Variants in ARPP21 observed in about 807,000 individuals in gnomAD.
ARPP21 encodes the protein cAMP-regulated phosphoprotein 21.
In ARPP21, 69 loss-of-function variants were observed where a neutral mutation model predicts 113.2. The observed-to-expected ratio is 0.61, with a 90% CI of 0.50 to 0.74. ARPP21 has a LOEUF of 0.74. Ranked by LOEUF, ARPP21 falls within the 30% of genes least tolerant of loss-of-function variation. The pLI is 0.00. For missense variants in ARPP21, 1,070 were observed against 1,037.4 expected (o/e 1.03, Z -0.43); for synonymous variants, 368 against 375.5 (o/e 0.98, Z 0.23).
intron 1 of ARPP21, among the ~76,000 whole-genome samples, chr3:35,655,543 CAG>C (rs1704455600): frequency 6.6e-6 from 1 of 151,916 alleles, no homozygotes; most frequent in Non-Finnish European, 1.5e-5. Flanking sequence ...AATGAGGACT[CAG>C]GGGTTTCTGT....
At chr3:35,675,519 T>C (rs1471766001) in intron 1 of ARPP21, among the ~76,000 whole-genome samples, 1 of 151,898 alleles carries the variant, frequency 6.6e-6, no homozygotes, top group African/African-American at 2.4e-5. Flanking sequence ...TCCATCCAGC[T>C]CTCTCATTCA....
chr3:35,649,837 C>T (rs939608764), intron 1 of ARPP21, among the ~76,000 whole-genome samples: 1 of 152,006 alleles, frequency 6.6e-6, no homozygotes, highest in Non-Finnish European at 1.5e-5. Flanking sequence ...TCCAACTGGA[C>T]CATTGAGAAC....
Position 35,717,244 on chromosome 3 carries a change from G to C in ARPP21, c.936-54G>C, listed in dbSNP as rs577282856. On this transcript the variant is annotated intron_variant, in intron 12 of 20. Coordinates refer to ENST00000684406, the MANE Select transcript of ARPP21 (RefSeq NM_001385562.1). Reference sequence around the variant, plus strand: ...AGAGTACACATCCATGTAAACACAAGGCATTTAGTACCCTTAGGTTTTATA... The same window carrying C: ...AGAGTACACATCCATGTAAACACAACGCATTTAGTACCCTTAGGTTTTATA... 2.3e-5 allele frequency: 23 copies of C among 981,100 alleles called. No individual in the cohort carries two copies. In the African/African-American group the frequency reaches 3.5e-4, roughly 15 times the overall value. 60.8% of individuals were successfully genotyped at this position (981,100 alleles called of 1,614,324 possible).
At chr3:35,643,197 G>A (rs1231691660) in intron 1 of ARPP21, among the ~76,000 whole-genome samples, 1 of 152,068 alleles carries the variant, frequency 6.6e-6, no homozygotes, top group East Asian at 1.9e-4. Context: ...TAGACAAAAT[G>A]CTTAAGTAGT....
intron 19 of ARPP21, among the ~76,000 whole-genome samples, chr3:35,774,029 G>A (rs551190763): frequency 2.0e-5 from 3 of 152,260 alleles, no homozygotes; most frequent in South Asian, 4.2e-4. Context: ...AGGTACTAAA[G>A]CTTCACTGCT....
intron 1 of ARPP21, among the ~76,000 whole-genome samples, chr3:35,643,261 T>C (rs1698845915): frequency 6.6e-6 from 1 of 152,036 alleles, no homozygotes; most frequent in African/African-American, 2.4e-5. Context: ...AATGGGGAAG[T>C]TAGTCATATA....
At chr3:35,792,310 G>A in intron 19 of ARPP21, 72 bp from the exon 20 acceptor site, 1 of 1,385,866 alleles carries the variant, frequency 7.2e-7, no homozygotes, top group Non-Finnish European at 1.0e-6. Context: ...TTTTGAACCA[G>A]TAGTTTTACC....
At chr3:35,792,924 A>C (rs1013138984) in intron 20 of ARPP21, among the ~76,000 whole-genome samples, 1 of 152,218 alleles carries the variant, frequency 6.6e-6, no homozygotes, top group Non-Finnish European at 1.5e-5. Context: ...TTTAAGTTAT[A>C]AGAGATTTTA....
intron 18 of ARPP21, 111 bp from the exon 19 acceptor site, chr3:35,743,728 G>A: frequency 1.8e-6 from 2 of 1,140,354 alleles, no homozygotes; most frequent in Non-Finnish European, 2.6e-6. Flanking sequence ...GAAGTTTGCG[G>A]TGGCCATCTT....
chr3:35,755,391 A>G (rs2095537107), intron 19 of ARPP21, among the ~76,000 whole-genome samples: 1 of 151,376 alleles, frequency 6.6e-6, no homozygotes, highest in South Asian at 2.1e-4. Flanking sequence ...GTTCCCTGCA[A>G]CTCTCTTTAT....
chr3:35,683,816 G>A lies in ARPP21; in HGVS notation c.261+1G>A. 1 of 1,392,470 alleles carries A rather than the reference G, an allele frequency of 7.2e-7. No individual in the cohort carries two copies. The highest frequency in any genetic ancestry group is 1.0e-6 in the Non-Finnish European group (1 of 979,976). The allele number at this position is 1,392,470 out of a possible 1,614,324, so 86.3% of individuals were successfully genotyped here. ...AGGAGGTGAAAGTCTTCAGGATCAG[G>A]TATATCCCCTTGCCATTATCATTAA... On this transcript the variant is annotated splice_donor_variant, in intron 5 of 20. Coordinates refer to ENST00000684406, the MANE Select transcript of ARPP21 (RefSeq NM_001385562.1). LOFTEE classifies it high-confidence loss of function.
chr3:35,784,634 GA>G (rs1310376509), intron 19 of ARPP21, among the ~76,000 whole-genome samples: 1 of 152,032 alleles, frequency 6.6e-6, no homozygotes, highest in African/African-American at 2.4e-5. Context: ...CTTTGCCCTA[GA>G]AAACTACTGT....
chr3:35,727,958 G>A (rs1446210401), intron 14 of ARPP21, among the ~76,000 whole-genome samples: 1 of 151,970 alleles, frequency 6.6e-6, no homozygotes, highest in Non-Finnish European at 1.5e-5. Context: ...TCTGCACACT[G>A]TTCCTGTTAC....
chr3:35,793,784 G>A lies in ARPP21; in HGVS notation c.2370G>A (p.Gly790=). The A allele has an allele frequency of 1.9e-6, 3 of 1,614,030 alleles. No homozygotes were observed. Among genetic ancestry groups the A allele is most frequent in the South Asian group, 1.1e-5 (1 of 91,082 alleles). The change falls in exon 21 of 21, where the codon GGG becomes GGA. Residue 790 remains glycine (G), a synonymous_variant. Coordinates refer to ENST00000684406, the MANE Select transcript of ARPP21 (RefSeq NM_001385562.1). ...TGCTACCTAACCAGGCAGGTCAAGG[G>A]TCACTCCCAGCCACTGGAATGCCTG... ...PIMLPNQAGQ[G]SLPATGMPVY...
At chr3:35,735,361 C>T (rs960748465) in intron 15 of ARPP21, among the ~76,000 whole-genome samples, 8 of 152,282 alleles carry the variant, frequency 5.3e-5, no homozygotes, top group Admixed American at 3.3e-4. Context: ...AATCTACCCA[C>T]CTTGACCTCC....
intron 18 of ARPP21, 82 bp from the exon 19 acceptor site, chr3:35,743,757 T>C: frequency 6.8e-7 from 1 of 1,468,924 alleles, no homozygotes; most frequent in South Asian, 1.2e-5. Context: ...ACCACAATTA[T>C]AAGACGAAAG....
At chr3:35,784,530 A>T (rs1001920140) in intron 19 of ARPP21, among the ~76,000 whole-genome samples, 1 of 152,220 alleles carries the variant, frequency 6.6e-6, no homozygotes, top group Non-Finnish European at 1.5e-5. Flanking sequence ...CAGAAATCAT[A>T]GACTCATGTT....
intron 19 of ARPP21, among the ~76,000 whole-genome samples, chr3:35,780,731 C>T (rs1017767837): frequency 5.9e-5 from 9 of 152,054 alleles, no homozygotes; most frequent in East Asian, 1.9e-4. Flanking sequence ...GAGCCGCAAC[C>T]GAAACCTGCT....
At chr3:35,722,710 G>C (rs2093208921) in intron 14 of ARPP21, among the ~76,000 whole-genome samples, 1 of 152,144 alleles carries the variant, frequency 6.6e-6, no homozygotes. Context: ...GTGATAATGA[G>C]AGATCTAGGA....
Sources: allele counts gnomAD v4.1 joint callset (sites outside exome capture counted in the v4.1 genomes callset), GRCh38; gene constraint gnomAD v4.1.1; transcripts MANE v1.5; gene names NCBI Gene and HGNC (gene_info 2026-07-23, HGNC 2026-07-21).